The following COLEC12 variants were observed in gnomAD, a reference collection of about 807,000 sequenced individuals.
COLEC12 encodes collectin-12.
Under a neutral mutation model 71.1 loss-of-function variants are expected in COLEC12, and 33 were observed. That is an observed-to-expected ratio of 0.46 (90% CI 0.35 to 0.62). COLEC12 has a LOEUF of 0.62. Among genes scored for constraint, COLEC12 ranks in the 20% least tolerant of loss-of-function variants. The probability of loss-of-function intolerance (pLI) is 0.00; values close to 1 mark genes in which losing one functional copy is unlikely to be tolerated. For missense variants in COLEC12, 765 were observed against 916.1 expected (o/e 0.84, Z 2.13); for synonymous variants, 350 against 353.0 (o/e 0.99, Z 0.10).
At chr18:361,532 A>T (rs1914743177) in intron 2 of COLEC12, among the ~76,000 whole-genome samples, 1 of 152,126 alleles carries the variant, frequency 6.6e-6, no homozygotes, top group Admixed American at 6.6e-5. Context: ...CTCTTAACTA[A>T]AGGATGCGCG....
At chr18:352,572 T>C (rs1359871347) in intron 3 of COLEC12, among the ~76,000 whole-genome samples, 2 of 152,212 alleles carry the variant, frequency 1.3e-5, no homozygotes, top group Non-Finnish European at 2.9e-5. Context: ...CTATTTTCCC[T>C]GCCCACAAGT....
At chr18:322,204 A>ACAC (rs1054676636) in intron 8 of COLEC12, among the ~76,000 whole-genome samples, 6 of 151,862 alleles carry the variant, frequency 4.0e-5, no homozygotes, top group African/African-American at 1.5e-4. Flanking sequence ...ACACACACAC[A>ACAC]CACACACACA....
chr18:458,465 G>A (rs1254967368), intron 2 of COLEC12, among the ~76,000 whole-genome samples: 1 of 152,220 alleles, frequency 6.6e-6, no homozygotes, highest in Non-Finnish European at 1.5e-5. Flanking sequence ...GAGGAGAAGT[G>A]CACCTGAACG....
At position 357,421 on chromosome 18, in the gene COLEC12, C is replaced by T; in HGVS notation, c.160G>A (p.Val54Ile). The change falls in exon 3 of 10, where the codon GTA (valine) becomes ATA (isoleucine). Residue 54 changes from valine to isoleucine, a missense_variant. Coordinates refer to ENST00000400256, the MANE Select transcript of COLEC12 (RefSeq NM_130386.3). ...YILCALLTITVAILGYKVVEK... is the reference protein window; with the variant it reads ...YILCALLTITIAILGYKVVEK... Reference sequence around the variant, plus strand: ...TTACCTTTATATCCCAAAATGGCTACTGTGATTGTTAGCAAGGCACACAAA... The same window carrying T: ...TTACCTTTATATCCCAAAATGGCTATTGTGATTGTTAGCAAGGCACACAAA... 1 of 1,600,568 alleles carries T rather than the reference C, an allele frequency of 6.2e-7. No homozygotes were observed. The highest frequency in any genetic ancestry group is 8.5e-7 in the Non-Finnish European group (1 of 1,175,968).
At chr18:326,546 A>C (rs1913847308) in intron 8 of COLEC12, among the ~76,000 whole-genome samples, 1 of 152,054 alleles carries the variant, frequency 6.6e-6, no homozygotes, top group Non-Finnish European at 1.5e-5. Context: ...ACGGGGTTTC[A>C]CCATGTCGGC....
chr18:325,211 C>A (rs1017681436), intron 8 of COLEC12, among the ~76,000 whole-genome samples: 2 of 151,984 alleles, frequency 1.3e-5, no homozygotes, highest in Non-Finnish European at 2.9e-5. Flanking sequence ...AAATAAAACA[C>A]AAAAAACTGA....
rs921900714 is a variant in COLEC12 at position 357,463 on chromosome 18, T to C, written c.118A>G (p.Ile40Val). The C allele has an allele frequency of 2.5e-6, 4 of 1,598,346 alleles. No individual in the cohort carries two copies. Among genetic ancestry groups the C allele is most frequent in the Non-Finnish European group, 1.7e-6 (2 of 1,171,748 alleles). Residue 40 changes from isoleucine to valine, a missense_variant, in exon 3 of 10, where the codon ATC (isoleucine) becomes GTC (valine). By Grantham distance (29) the Ile-to-Val change is conservative. Transcript: ENST00000400256. ...GCACACAAAATGTATAATAATATGA[T>C]AGAAAACTTCAGTGCCCAGTTATTT... ...CKNNWALKFS[I>V]ILLYILCALL...
At chr18:405,958 A>ACT (rs1915777208) in intron 2 of COLEC12, among the ~76,000 whole-genome samples, 1 of 152,082 alleles carries the variant, frequency 6.6e-6, no homozygotes, top group South Asian at 2.1e-4. Flanking sequence ...ACAGGATGAG[A>ACT]TAAGAGGTCA....
intron 3 of COLEC12, among the ~76,000 whole-genome samples, chr18:354,058 T>C (rs538939867): frequency 6.6e-6 from 1 of 152,346 alleles, no homozygotes; most frequent in African/African-American, 2.4e-5. Context: ...TTCTTTTTCC[T>C]AATTACCTTT....
intron 2 of COLEC12, among the ~76,000 whole-genome samples, chr18:451,343 C>G (rs1916756585): frequency 6.6e-6 from 1 of 151,976 alleles, no homozygotes; most frequent in African/African-American, 2.4e-5. Context: ...GAAGCGGAGC[C>G]CAAAAGTTTG....
intron 2 of COLEC12, among the ~76,000 whole-genome samples, chr18:422,333 C>T (rs1916114997): frequency 1.3e-5 from 2 of 152,202 alleles, no homozygotes; most frequent in African/African-American, 4.8e-5. Context: ...ACCATGCTCT[C>T]TTTCCTAAGC....
At position 347,304 on chromosome 18, in the gene COLEC12, T is replaced by C; in HGVS notation, c.318A>G (p.Ser106=). ...TGTCTGATCTGAAGGTGGAGAGTTCTGAGTTGGTGCTGATAGCTTTCTTCC... is the reference window on the plus strand; with the variant it reads ...TGTCTGATCTGAAGGTGGAGAGTTCCGAGTTGGTGCTGATAGCTTTCTTCC... ...QTGKKAISTN[S]ELSTFRSDIL... Residue 106 remains serine, a synonymous_variant, in exon 5 of 10, where the codon TCA becomes TCG. Transcript: ENST00000400256. 6 of 1,614,044 alleles carry C rather than the reference T, an allele frequency of 3.7e-6. No homozygotes were observed. The highest frequency in any genetic ancestry group is 5.1e-6 in the Non-Finnish European group (6 of 1,179,916).
intron 1 of COLEC12, among the ~76,000 whole-genome samples, chr18:485,253 C>A (rs1917497925): frequency 6.6e-6 from 1 of 152,308 alleles, no homozygotes; most frequent in South Asian, 2.1e-4. Context: ...TGAGGTCAGT[C>A]TCTTTAGCAA....
At chr18:432,348 G>C (rs932396259) in intron 2 of COLEC12, among the ~76,000 whole-genome samples, 1 of 152,074 alleles carries the variant, frequency 6.6e-6, no homozygotes. Context: ...AGAGGAAACA[G>C]AGCATGGTGG....
At chr18:364,104 G>A (rs1450891392) in intron 2 of COLEC12, among the ~76,000 whole-genome samples, 2 of 152,070 alleles carry the variant, frequency 1.3e-5, no homozygotes, top group Non-Finnish European at 2.9e-5. Flanking sequence ...TTTACCAAGG[G>A]TATAGTTTGT....
At chr18:447,025 GT>G (rs1371647008) in intron 2 of COLEC12, among the ~76,000 whole-genome samples, 1 of 152,204 alleles carries the variant, frequency 6.6e-6, no homozygotes. Flanking sequence ...GAGGATGGCT[GT>G]TTAAGGGCTC....
chr18:492,021 T>C (rs1017687950), intron 1 of COLEC12, among the ~76,000 whole-genome samples: 2 of 152,174 alleles, frequency 1.3e-5, no homozygotes, highest in African/African-American at 2.4e-5. Flanking sequence ...GGATATTTTG[T>C]AGGGGGGTAA....
intron 1 of COLEC12, among the ~76,000 whole-genome samples, chr18:493,181 C>CCT (rs1917649957): frequency 6.6e-6 from 1 of 152,134 alleles, no homozygotes. Context: ...CTCAAGGGAT[C>CCT]CTCCCACCTC....
At chr18:369,425 A>AT (rs1914949339) in intron 2 of COLEC12, among the ~76,000 whole-genome samples, 1 of 106,748 alleles carries the variant, frequency 9.4e-6, no homozygotes. Flanking sequence ...TTTTATTTTT[A>AT]TTTTTATTTT....
Sources: gnomAD v4.1 joint callset for allele counts (sites outside exome capture counted in the v4.1 genomes callset) on GRCh38, gnomAD v4.1.1 for gene constraint, MANE v1.5 for transcripts, NCBI Gene and HGNC (gene_info 2026-07-23, HGNC 2026-07-21) for gene names.